BAG6: variants seen among roughly 807,000 people sequenced by gnomAD.
BAG6 encodes large proline-rich protein BAG6.
In BAG6, 22 loss-of-function variants were observed where a neutral mutation model predicts 121.0. The observed-to-expected ratio is 0.18, with a 90% confidence interval of 0.13 to 0.26. The LOEUF (loss-of-function observed/expected upper bound fraction) is 0.26. Among genes scored for constraint, BAG6 ranks in the 10% least tolerant of loss-of-function variants. The probability of loss-of-function intolerance (pLI) is 1.00; values close to 1 mark genes in which losing one functional copy is unlikely to be tolerated. For missense variants in BAG6, 1,233 were observed against 1,537.7 expected (o/e 0.80, Z 3.31); for synonymous variants, 583 against 584.6 (o/e 1.00, Z 0.04).
In BAG6 at chr6:31,643,012, C is replaced by T; in HGVS notation, c.1860G>A (p.Gly620=). 1 of 1,590,992 alleles carries T rather than the reference C, an allele frequency of 6.3e-7. No homozygotes were observed. The highest frequency in any genetic ancestry group is 8.5e-7 in the Non-Finnish European group (1 of 1,169,964). The stretch of plus-strand genomic sequence containing the variant: ...GAGGGGTGGGTGGAGGCTGGGCAGG[C>T]CCCCCAGGAGCGGGGCCAGCTGTGG... ...TATTAGPAPG[G]PAQPPPTPQP... Residue 620 remains glycine, a synonymous_variant, in exon 15 of 26, where the codon GGG becomes GGA. Coordinates refer to ENST00000676615, the MANE Select transcript of BAG6 (RefSeq NM_001387994.1).
intron 14 of BAG6, 142 bp from the exon 15 acceptor site, chr6:31,643,257 A>AG (rs1290050804): frequency 3.7e-6 from 3 of 806,356 alleles, no homozygotes. Flanking sequence ...TCTACCAGAA[A>AG]AAAAAAAAGA....
chr6:31,646,466 A>T lies in BAG6; in HGVS notation c.846T>A (p.Ser282Arg). 2 of 1,612,336 alleles carry T rather than the reference A, an allele frequency of 1.2e-6. No individual in the cohort carries two copies. The highest frequency in any genetic ancestry group is 8.5e-7 in the Non-Finnish European group (1 of 1,179,862). The change falls in exon 8 of 26, where the codon AGT (serine) becomes AGA (arginine). Residue 282 changes from serine to arginine, a missense_variant. By Grantham distance (110) the Ser-to-Arg change is moderately radical. Coordinates refer to ENST00000676615, the MANE Select transcript of BAG6 (RefSeq NM_001387994.1). ...EVLQELQRLE[S>R]RLQPFLQRYY... ...AGCGCTGCAAGAAGGGCTGGAGGCG[A>T]CTCTCCAGCCGCTGTAGCTCCTGGA...
rs1398216799 is a variant in BAG6, at chr6:31,651,661, C to T, written c.103G>A (p.Ala35Thr). The change falls in exon 2 of 26, where the codon GCC becomes ACC. Residue 35 changes from alanine (A) to threonine (T), a missense_variant. Transcript: ENST00000676615. ...GAACTAGTGAGGTGTCTCACCTGGG[C>T]CCCCACAATAAAGGTACGAGTTTGA... ...DSQTRTFIVG[A>T]QMNVKEFKEH... 6.2e-7 allele frequency: 1 copy of T among 1,612,782 alleles called. No individual in the cohort carries two copies.
chr6:31,643,816 A>G, intron 14 of BAG6, 74 bp downstream of exon 14: 2 of 1,465,750 alleles, frequency 1.4e-6, no homozygotes, highest in Non-Finnish European at 1.9e-6. Context: ...GAAAATATGG[A>G]AAGAACTGGA....
Position 31,645,007 on chromosome 6 carries a change from C to A in BAG6, c.1308G>T (p.Arg436Ser). 6.2e-7 allele frequency: 1 copy of A among 1,611,384 alleles called. No homozygotes were observed. The highest frequency in any genetic ancestry group is 8.5e-7 in the Non-Finnish European group (1 of 1,179,080). The change falls in exon 10 of 26, where the codon AGG becomes AGT. Residue 436 changes from arginine (R) to serine (S), a missense_variant. Around this residue, in one of 7 missense-constraint regions of BAG6, gnomAD observed 777 missense variants for 861.4 expected, o/e 0.90. Transcript: ENST00000676615. ...CACTCTGGTGGGAAATCCGGATGAC[C>A]CTCGGGTGGCTGGTGGCTGGCGGGG... ...PAPPPATSHP[R>S]VIRISHQSVE...
intron 2 of BAG6, among the ~76,000 whole-genome samples, chr6:31,650,863 G>A (rs555596541): frequency 1.9e-4 from 29 of 152,246 alleles, no homozygotes; most frequent in African/African-American, 6.5e-4. Flanking sequence ...TAAAGACACA[G>A]ATAGCTATGT....
Position 31,641,363 on chromosome 6 carries a change from T to C in BAG6, c.2619A>G (p.Gln873=). 1.9e-6 allele frequency: 3 copies of C among 1,614,244 alleles called. No homozygotes were observed. Among genetic ancestry groups the C allele is most frequent in the Non-Finnish European group, 2.5e-6 (3 of 1,180,042 alleles). ...DIIRTNLEFL[Q]EQFNSIAAHV... ...GCGCAGCAATGCTATTAAACTGCTCTTGGAGAAATTCCAGGTTTGTCCGGA... is the reference window on the plus strand; with the variant it reads ...GCGCAGCAATGCTATTAAACTGCTCCTGGAGAAATTCCAGGTTTGTCCGGA... Residue 873 remains glutamine (Q), a synonymous_variant, in exon 19 of 26, where the codon CAA becomes CAG. Coordinates refer to ENST00000676615, the MANE Select transcript of BAG6 (RefSeq NM_001387994.1). The surrounding 1 kb of genome is among the most constrained non-coding windows in gnomAD (Gnocchi z 5.7).
chr6:31,648,016 AT>A (rs9281542), intron 6 of BAG6, 190 bp from the exon 7 acceptor site: 24,892 of 274,350 alleles, frequency 0.091, 280 homozygotes, highest in South Asian at 0.2. Context: ...AGCATCTGTA[AT>A]TTTTTTTTTT....
In BAG6 at chr6:31,640,124, C is replaced by T. The variant is rs955963372; in HGVS notation, c.3246+75G>A. ...ACTGAATAACAAGAGCTCCCACCATCTCTACATAGTTTGATTCCAGGCATG... is the reference window on the plus strand; with the variant it reads ...ACTGAATAACAAGAGCTCCCACCATTTCTACATAGTTTGATTCCAGGCATG... On this transcript the variant is annotated intron_variant, in intron 24 of 25. Transcript: ENST00000676615. The surrounding 1 kb of genome is among the most constrained non-coding windows in gnomAD (Gnocchi z 4.2). 4.1e-6 allele frequency: 6 copies of T among 1,455,194 alleles called. No homozygotes were observed. Among genetic ancestry groups the T allele is most frequent in the Non-Finnish European group, 5.8e-6 (6 of 1,041,822 alleles). The allele number at this position is 1,455,194 out of a possible 1,614,324, so 90.1% of individuals were successfully genotyped here.
At position 31,639,139 on chromosome 6, in the gene BAG6, C is replaced by T. The variant is rs1561864257; in HGVS notation, c.3481G>A (p.Asp1161Asn). The T allele has an allele frequency of 1.9e-6, 3 of 1,613,634 alleles. No individual in the cohort carries two copies. Among genetic ancestry groups the T allele is most frequent in the Non-Finnish European group, 2.5e-6 (3 of 1,179,752 alleles). The change falls in exon 26 of 26, where the codon GAT becomes AAT. Residue 1161 changes from aspartate (D) to asparagine (N), a missense_variant. By Grantham distance (23) the Asp-to-Asn change is conservative. Coordinates refer to ENST00000676615, the MANE Select transcript of BAG6 (RefSeq NM_001387994.1). ...FPNAQRAFAD[D>N]P ...GGCCATAGAGCAAAGAGCTAAGGAT[C>T]ATCAGCAAAGGCCCGCTGGGCATTG...
Position 31,648,894 on chromosome 6 carries a change from C to T in BAG6, c.477+17G>A, listed in dbSNP as rs540460491. The T allele has an allele frequency of 1.2e-5, 19 of 1,545,076 alleles. No homozygotes were observed. Among genetic ancestry groups the T allele is most frequent in the Non-Finnish European group, 1.6e-5 (18 of 1,146,524 alleles). On this transcript the variant is annotated intron_variant, in intron 5 of 25. Coordinates refer to ENST00000676615, the MANE Select transcript of BAG6 (RefSeq NM_001387994.1). ...CTCCCAGATCCCCTTCCCTGACCCT[C>T]GGAGGCCCCTCAATACCTGAATCGG...
Position 31,639,608 on chromosome 6 carries a change from C to G in BAG6, c.3285G>C (p.Glu1095Asp). 1.2e-6 allele frequency: 2 copies of G among 1,613,726 alleles called. No homozygotes were observed. Among genetic ancestry groups the G allele is most frequent in the Non-Finnish European group, 8.5e-7 (1 of 1,179,732 alleles). Residue 1095 changes from glutamate to aspartate, a missense_variant, in exon 25 of 26, where the codon GAG becomes GAC. Transcript: ENST00000676615. ...QGEGPQLLLSEAVSRAAKAAG... is the reference protein window; with the variant it reads ...QGEGPQLLLSDAVSRAAKAAG... ...CTGCCTTAGCTGCCCGGCTCACAGC[C>G]TCTGAGAGAAGCAGCTGGGGGCCCT... is the stretch of plus-strand genomic sequence containing the variant.
At position 31,642,317 on chromosome 6, in the gene BAG6, G is replaced by C; in HGVS notation, c.2130C>G (p.Ser710=). The change falls in exon 16 of 26, where the codon TCC becomes TCG. Residue 710 remains serine, a synonymous_variant. Coordinates refer to ENST00000676615, the MANE Select transcript of BAG6 (RefSeq NM_001387994.1). The part of the protein sequence containing the change: ...PEQQTMPPPG[S]PSGGAGSPGG... ...CAGGACTCCCTGCGCCACCAGAAGG[G>C]GAGCCTGGTGGGGGCATGGTCTGCT... The C allele has an allele frequency of 6.4e-7, 1 of 1,561,930 alleles. No individual in the cohort carries two copies. The highest frequency in any genetic ancestry group is 1.2e-5 in the South Asian group (1 of 86,146).
At position 31,642,890 on chromosome 6, in the gene BAG6, G is replaced by A. The variant is rs772361175; in HGVS notation, c.1982C>T (p.Thr661Ile). ...GAGGSGVASP[T>I]ITVAMPGVPA... ...GACACCAGGCATCGCCACAGTGATG[G>A]TGGGAGAAGCCACACCAGACCCTCC... The change falls in exon 15 of 26, where the codon ACC (threonine) becomes ATC (isoleucine). Residue 661 changes from threonine to isoleucine, a missense_variant. By Grantham distance (89) the Thr-to-Ile change is moderately conservative (BLOSUM62 -1). Coordinates refer to ENST00000676615, the MANE Select transcript of BAG6 (RefSeq NM_001387994.1). 2 of 1,611,798 alleles carry A rather than the reference G, an allele frequency of 1.2e-6. No individual in the cohort carries two copies. Among genetic ancestry groups the A allele is most frequent in the Non-Finnish European group, 8.5e-7 (1 of 1,179,354 alleles).
In BAG6 at chr6:31,640,444, G is replaced by A. The variant is rs371792038; in HGVS notation, c.3079C>T (p.Arg1027Trp). 4.3e-5 allele frequency: 69 copies of A among 1,613,584 alleles called. No individual in the cohort carries two copies. The highest frequency in any genetic ancestry group is 8.0e-5 in the African/African-American group (6 of 74,916). ...GPPPAPEGGS[R>W]DEQDGASAET... ...GCTGAAGCTCCATCCTGTTCATCCC[G>A]GGAGCCCCCCTCAGGAGCAGGAGGT... The change falls in exon 23 of 26, where the codon CGG becomes TGG. Residue 1027 changes from arginine to tryptophan, a missense_variant. Physicochemically the swap from Arg to Trp is moderately radical, Grantham distance 101. This residue lies in a region of BAG6 where 288 missense variants were observed against 483.1 expected (regional missense o/e 0.60). Coordinates refer to ENST00000676615, the MANE Select transcript of BAG6 (RefSeq NM_001387994.1). The surrounding 1 kb of genome is among the most constrained non-coding windows in gnomAD (Gnocchi z 4.2).
Position 31,641,511 on chromosome 6 carries a change from A to G in BAG6, c.2559+28T>C. On this transcript the variant is annotated intron_variant, in intron 18 of 25. Transcript: ENST00000676615. This position sits in a 1 kb window ranked among gnomAD's most constrained non-coding sequence, Gnocchi z 5.7. ...CAGCTGCCTTGACCAGACCCAGGAG[A>G]GGAAAGGAATAGAGAAGGGTTACTC... The G allele has an allele frequency of 6.2e-7, 1 of 1,614,152 alleles. No homozygotes were observed. Among genetic ancestry groups the G allele is most frequent in the Non-Finnish European group, 8.5e-7 (1 of 1,180,010 alleles).
At chr6:31,649,010 A>C in intron 4 of BAG6, 46 bp from the exon 5 acceptor site, 1 of 1,514,886 alleles carries the variant, frequency 6.6e-7, no homozygotes, top group Non-Finnish European at 8.8e-7. Context: ...GCCAACACTA[A>C]GGCCTCCACA....
chr6:31,648,640 G>A (rs1262535355), intron 6 of BAG6, 37 bp downstream of exon 6: 5 of 1,599,846 alleles, frequency 3.1e-6, no homozygotes, highest in Non-Finnish European at 4.3e-6. Flanking sequence ...GGGAGAGGGA[G>A]GGTGGAGAGA....
chr6:31,651,226 G>A lies in BAG6; in HGVS notation c.108+430C>T, dbSNP rs1321823. Reference sequence around the variant, plus strand: ...ATCAGAAAACGTTCTACTGGAATACGAACAAAGGGATCAATAAAAATAAAA... The same window carrying A: ...ATCAGAAAACGTTCTACTGGAATACAAACAAAGGGATCAATAAAAATAAAA... On this transcript the variant is annotated intron_variant, in intron 2 of 25. Transcript: ENST00000676615. Among the ~76,000 whole-genome samples, 487 of 152,272 alleles carry A rather than the reference G, an allele frequency of 3.2e-3. 3 individuals carry two copies. The highest frequency in any genetic ancestry group is 9.8e-3 in the African/African-American group (406 of 41,560).
Sources: allele counts gnomAD v4.1 joint callset (sites outside exome capture counted in the v4.1 genomes callset), GRCh38; gene constraint gnomAD v4.1.1; regional missense constraint gnomAD v4.1.1; non-coding constraint Gnocchi (gnomAD v3.1); transcripts MANE v1.5; gene names NCBI Gene and HGNC (gene_info 2026-07-23, HGNC 2026-07-21).